Variants in OPCML observed in about 807,000 individuals in gnomAD.
The protein encoded by OPCML is opioid binding protein/cell adhesion molecule like.
In OPCML, 13 loss-of-function variants were observed where a neutral mutation model predicts 37.8. That is an observed-to-expected ratio of 0.34 (90% CI 0.22 to 0.55). The LOEUF is 0.55. OPCML is among the 20% of genes least tolerant of loss of function. OPCML has a pLI of 0.91. For synonymous variants in OPCML, 176 were observed against 168.8 expected, an observed-to-expected ratio of 1.04 and a Z score of -0.33; for missense variants, 341 against 435.6, an observed-to-expected ratio of 0.78 and a Z score of 1.93.
intron 2 of OPCML, among the ~76,000 whole-genome samples, chr11:132,723,316 G>A (rs1200040875): frequency 6.6e-6 from 1 of 152,150 alleles, no homozygotes; most frequent in Non-Finnish European, 1.5e-5. Flanking sequence ...TCACACATTA[G>A]GTGAGGGGAA....
At chr11:132,957,798 T>C (rs1477456868) in intron 1 of OPCML, among the ~76,000 whole-genome samples, 1 of 152,210 alleles carries the variant, frequency 6.6e-6, no homozygotes, top group Non-Finnish European at 1.5e-5. Flanking sequence ...GCACGAGCTA[T>C]GCTCATGTAA....
intron 1 of OPCML, among the ~76,000 whole-genome samples, chr11:133,465,747 A>C (rs1946963621): frequency 6.6e-6 from 1 of 152,192 alleles, no homozygotes; most frequent in African/African-American, 2.4e-5. Flanking sequence ...GTATCCTCTC[A>C]AAGTTACCTC....
chr11:132,913,506 C>G (rs1228419260), intron 2 of OPCML, among the ~76,000 whole-genome samples: 1 of 152,212 alleles, frequency 6.6e-6, no homozygotes, highest in Non-Finnish European at 1.5e-5. Context: ...TTCCCCCTTT[C>G]TGTCTTTCTG....
At chr11:133,124,591 T>C (rs527766826) in intron 1 of OPCML, among the ~76,000 whole-genome samples, 12 of 152,080 alleles carry the variant, frequency 7.9e-5, no homozygotes, top group Admixed American at 3.3e-4. Context: ...TCCGTTCCAA[T>C]CACAGAGCCC....
chr11:132,954,715 G>A (rs1945941110), intron 1 of OPCML, among the ~76,000 whole-genome samples: 1 of 152,132 alleles, frequency 6.6e-6, no homozygotes, highest in Non-Finnish European at 1.5e-5. Flanking sequence ...GCATACATGG[G>A]AGCTGAAGCC....
At chr11:132,496,913 A>G (rs1381785807) in intron 4 of OPCML, among the ~76,000 whole-genome samples, 2 of 152,190 alleles carry the variant, frequency 1.3e-5, no homozygotes, top group Non-Finnish European at 2.9e-5. Flanking sequence ...TCTTCTCCTC[A>G]ATAATAACGA....
At chr11:132,514,720 G>A (rs774028956) in intron 4 of OPCML, among the ~76,000 whole-genome samples, 13 of 152,118 alleles carry the variant, frequency 8.5e-5, no homozygotes, top group Non-Finnish European at 4.4e-5. Context: ...CTGCCAAAAA[G>A]ATACAAAGTG....
At chr11:132,808,441 T>C (rs1302850931) in intron 2 of OPCML, among the ~76,000 whole-genome samples, 1 of 152,172 alleles carries the variant, frequency 6.6e-6, no homozygotes, top group African/African-American at 2.4e-5. Flanking sequence ...GATTGATACA[T>C]CTAAAATGTT....
At chr11:133,284,437 T>C (rs1457442178) in intron 1 of OPCML, among the ~76,000 whole-genome samples, 1 of 152,206 alleles carries the variant, frequency 6.6e-6, no homozygotes, top group African/African-American at 2.4e-5. Context: ...CTTGCAATGT[T>C]TGCAGCACAT....
chr11:133,141,036 C>CGAA (rs1478671540), intron 1 of OPCML, among the ~76,000 whole-genome samples: 4 of 6,582 alleles, frequency 6.1e-4, no homozygotes, highest in African/African-American at 8.6e-4. Context: ...ACGACGACGA[C>CGAA]GACGACGACG....
chr11:133,415,162 C>T (rs949259360), intron 1 of OPCML, among the ~76,000 whole-genome samples: 1 of 152,158 alleles, frequency 6.6e-6, no homozygotes, highest in Non-Finnish European at 1.5e-5. Context: ...GTAATCCCAG[C>T]ACTTTGGGAG....
chr11:133,502,464 A>C (rs111899822), intron 1 of OPCML, among the ~76,000 whole-genome samples: 5,612 of 152,252 alleles, frequency 0.037, 312 homozygotes, highest in African/African-American at 0.13. Context: ...CCTCGCCCCA[A>C]CTGGAGCAGT....
chr11:133,152,205 C>T (rs1189720467), intron 1 of OPCML, among the ~76,000 whole-genome samples: 1 of 152,102 alleles, frequency 6.6e-6, no homozygotes, highest in Non-Finnish European at 1.5e-5. Flanking sequence ...GTCAGATACC[C>T]CTTCCAATCT....
intron 1 of OPCML, among the ~76,000 whole-genome samples, chr11:133,432,098 G>C (rs911172052): frequency 4.1e-4 from 62 of 151,992 alleles, no homozygotes; most frequent in African/African-American, 1.4e-3. Flanking sequence ...CTACTTGAAG[G>C]TGCTTTGTGA....
At chr11:133,520,609 A>G (rs1948378474) in intron 1 of OPCML, among the ~76,000 whole-genome samples, 3 of 152,314 alleles carry the variant, frequency 2.0e-5, no homozygotes, top group South Asian at 4.1e-4. Flanking sequence ...AAACATGTTC[A>G]GTAGTGTCAA....
chr11:133,383,772 C>T, intron 1 of OPCML, among the ~76,000 whole-genome samples: 1 of 152,062 alleles, frequency 6.6e-6, no homozygotes, highest in East Asian at 1.9e-4. Context: ...TAGTGTTAAG[C>T]TATAAATAAA....
intron 2 of OPCML, among the ~76,000 whole-genome samples, chr11:132,752,303 A>T (rs1162190214): frequency 6.6e-6 from 1 of 152,182 alleles, no homozygotes; most frequent in African/African-American, 2.4e-5. Context: ...AAGCAAAACA[A>T]AAAACCTAAT....
intron 1 of OPCML, among the ~76,000 whole-genome samples, chr11:133,055,168 A>G (rs112458567): frequency 1.0e-3 from 51 of 48,592 alleles, no homozygotes; most frequent in South Asian, 1.4e-3. Flanking sequence ...CGCCTCTACC[A>G]TATAATGCTG....
intron 2 of OPCML, among the ~76,000 whole-genome samples, chr11:132,819,024 AAAG>A (rs1591651331): frequency 6.6e-6 from 1 of 151,734 alleles, no homozygotes; most frequent in East Asian, 1.9e-4. Context: ...AAAAAAAAAA[AAAG>A]AACCATATAT....
Sources: allele counts gnomAD v4.1 joint callset (sites outside exome capture counted in the v4.1 genomes callset), GRCh38; gene constraint gnomAD v4.1.1; transcripts MANE v1.5; gene names NCBI Gene and HGNC (gene_info 2026-07-23, HGNC 2026-07-21).